Variants in CTNNA3 observed in about 807,000 individuals in gnomAD.
CTNNA3 encodes catenin alpha 3.
In CTNNA3, 76 loss-of-function variants were observed where a neutral mutation model predicts 95.7. That is an observed-to-expected ratio of 0.79 (90% CI 0.66 to 0.96). The LOEUF is 0.96. CTNNA3 is among the 40% of genes least tolerant of loss of function. The pLI, the probability that CTNNA3 is intolerant of heterozygous loss-of-function variation, is 0.00. For synonymous variants in CTNNA3, 431 were observed against 374.4 expected, an observed-to-expected ratio of 1.15 and a Z score of -1.74; for missense variants, 1,191 against 1,089.8, an observed-to-expected ratio of 1.09 and a Z score of -1.31.
intron 7 of CTNNA3, among the ~76,000 whole-genome samples, chr10:66,935,900 C>A (rs1448163155): frequency 1.3e-5 from 2 of 151,922 alleles, no homozygotes; most frequent in African/African-American, 4.8e-5. Flanking sequence ...ATAATTTATA[C>A]CCCACCCACA....
chr10:66,145,979 G>C (rs973778523), intron 13 of CTNNA3, among the ~76,000 whole-genome samples: 4 of 151,930 alleles, frequency 2.6e-5, no homozygotes, highest in African/African-American at 9.7e-5. Flanking sequence ...TCAGCCTCCC[G>C]AGTAGCTGGG....
At chr10:67,202,395 T>C (rs1490542397) in intron 6 of CTNNA3, among the ~76,000 whole-genome samples, 1 of 152,072 alleles carries the variant, frequency 6.6e-6, no homozygotes, top group Admixed American at 6.6e-5. Context: ...AAAGCCATAA[T>C]CAACACCCTA....
chr10:66,371,551 T>C (rs983258005), intron 12 of CTNNA3, among the ~76,000 whole-genome samples: 2 of 152,180 alleles, frequency 1.3e-5, no homozygotes, highest in Non-Finnish European at 2.9e-5. Flanking sequence ...GGTTGCATAA[T>C]ATGGATGCAA....
intron 7 of CTNNA3, among the ~76,000 whole-genome samples, chr10:66,787,223 C>T (rs553086146): frequency 4.0e-5 from 6 of 151,668 alleles, no homozygotes; most frequent in South Asian, 4.2e-4. Context: ...TGTAAGATGG[C>T]GTGTAGAAAC....
intron 7 of CTNNA3, among the ~76,000 whole-genome samples, chr10:66,921,994 A>C (rs961343913): frequency 1.3e-5 from 2 of 152,214 alleles, no homozygotes; most frequent in South Asian, 4.1e-4. Context: ...TGAATTTCTA[A>C]GTTTATATCT....
At chr10:67,027,817 G>A (rs1047452861) in intron 7 of CTNNA3, among the ~76,000 whole-genome samples, 8 of 151,928 alleles carry the variant, frequency 5.3e-5, no homozygotes, top group Non-Finnish European at 8.8e-5. Context: ...GAGTATATTC[G>A]TTTTTTCCTT....
chr10:66,214,502 C>T (rs144385655), intron 13 of CTNNA3, among the ~76,000 whole-genome samples: 78 of 152,088 alleles, frequency 5.1e-4, no homozygotes, highest in African/African-American at 1.8e-3. Flanking sequence ...CTGGACAATT[C>T]AAGGAAATGT....
At chr10:66,613,487 G>C (rs1446004954) in intron 10 of CTNNA3, among the ~76,000 whole-genome samples, 1 of 151,924 alleles carries the variant, frequency 6.6e-6, no homozygotes, top group Admixed American at 6.6e-5. Flanking sequence ...CAAGATACAG[G>C]GCAGTGATAG....
At chr10:67,126,573 G>T (rs142029709) in intron 7 of CTNNA3, among the ~76,000 whole-genome samples, 10 of 152,124 alleles carry the variant, frequency 6.6e-5, no homozygotes, top group African/African-American at 2.2e-4. Context: ...AAAAGAAAAA[G>T]AATACAAAAT....
At chr10:66,532,820 G>T (rs140040593) in intron 10 of CTNNA3, among the ~76,000 whole-genome samples, 1 of 152,236 alleles carries the variant, frequency 6.6e-6, no homozygotes, top group African/African-American at 2.4e-5. Context: ...TACAAATAGG[G>T]TCGAAATAGT....
At position 65,917,083 on chromosome 10, in the gene CTNNA3, C is replaced by T. The variant is rs1219145984; in HGVS notation, c.*3247G>A. 2 of 152,074 alleles carry T rather than the reference C, an allele frequency of 1.3e-5. No individual in the cohort carries two copies. Among genetic ancestry groups the T allele is most frequent in the Non-Finnish European group, 2.9e-5 (2 of 68,010 alleles). 9.4% of individuals were successfully genotyped at this position (152,074 alleles called of 1,614,324 possible). A position where few individuals can be genotyped will look rare whatever the true frequency, so the allele number is the denominator to read the frequency against. ...GGTGTCTCTGTGTAGCTATGGAGGA[C>T]CTTATTCCCTGTACATAAGAGATTT... On this transcript the variant is annotated 3_prime_UTR_variant, in exon 18 of 18. Transcript: ENST00000433211.
chr10:67,698,646 G>A (rs565958641), upstream of CTNNA3, among the ~76,000 whole-genome samples: 3 of 152,088 alleles, frequency 2.0e-5, no homozygotes, highest in South Asian at 2.1e-4. Context: ...TTTCAGGTTC[G>A]GGCTTTAAAA....
intron 13 of CTNNA3, among the ~76,000 whole-genome samples, chr10:66,122,364 G>T (rs1439269654): frequency 6.6e-6 from 1 of 151,868 alleles, no homozygotes; most frequent in East Asian, 1.9e-4. Context: ...AATTAGAAAA[G>T]GTGTAACATA....
At chr10:66,451,762 T>C (rs181070863) in intron 11 of CTNNA3, among the ~76,000 whole-genome samples, 2 of 152,298 alleles carry the variant, frequency 1.3e-5, no homozygotes, top group African/African-American at 4.8e-5. Context: ...AAAATTAAAA[T>C]ATAAAAATTT....
intron 5 of CTNNA3, among the ~76,000 whole-genome samples, chr10:67,249,208 C>G (rs1367316289): frequency 6.6e-6 from 1 of 151,936 alleles, no homozygotes; most frequent in Non-Finnish European, 1.5e-5. Flanking sequence ...TGTCATATAT[C>G]TGGAATATAT....
intron 7 of CTNNA3, among the ~76,000 whole-genome samples, chr10:66,997,751 C>T (rs1851436466): frequency 1.3e-5 from 2 of 152,076 alleles, no homozygotes; most frequent in Non-Finnish European, 1.5e-5. Flanking sequence ...GAGAATTGTT[C>T]CCCAGGCAGA....
chr10:67,011,051 C>T (rs1044557319), intron 7 of CTNNA3, among the ~76,000 whole-genome samples: 2 of 151,920 alleles, frequency 1.3e-5, no homozygotes, highest in African/African-American at 4.8e-5. Context: ...CAATATAGGC[C>T]AGGCGCGGTG....
At chr10:67,468,185 T>C (rs1303749950) in intron 5 of CTNNA3, among the ~76,000 whole-genome samples, 1 of 152,028 alleles carries the variant, frequency 6.6e-6, no homozygotes, top group Admixed American at 6.6e-5. Context: ...TCCTCCCACC[T>C]GCCATCTTCT....
chr10:66,579,480 A>G (rs544351488), intron 10 of CTNNA3, among the ~76,000 whole-genome samples: 13 of 151,946 alleles, frequency 8.6e-5, no homozygotes, highest in Admixed American at 7.9e-4. Flanking sequence ...TCCTACCACT[A>G]TAACTCTAAA....
Sources: gnomAD v4.1 joint callset for allele counts (sites outside exome capture counted in the v4.1 genomes callset) on GRCh38, gnomAD v4.1.1 for gene constraint, MANE v1.5 for transcripts, NCBI Gene and HGNC (gene_info 2026-07-23, HGNC 2026-07-21) for gene names.